The following TEK variants were observed in gnomAD, a reference collection of about 807,000 sequenced individuals.
TEK encodes angiopoietin-1 receptor.
Under a neutral mutation model 131.8 loss-of-function variants are expected in TEK, and 43 were observed. That is an observed-to-expected ratio of 0.33 (90% CI 0.26 to 0.42). The LOEUF (loss-of-function observed/expected upper bound fraction) is 0.42. Among genes scored for constraint, TEK ranks in the 10% least tolerant of loss-of-function variants. TEK has a pLI of 1.00. For synonymous variants in TEK, 580 were observed against 491.6 expected (o/e 1.18, Z -2.38); for missense variants, 1,162 against 1,384.4 (o/e 0.84, Z 2.55).
chr9:27,180,683 A>C (rs541124273), intron 7 of TEK, among the ~76,000 whole-genome samples: 1 of 152,194 alleles, frequency 6.6e-6, no homozygotes, highest in Admixed American at 6.5e-5. Context: ...TTCCCTGGAC[A>C]TGCGTAACAG....
At chr9:27,195,060 T>C (rs913254984) in intron 11 of TEK, among the ~76,000 whole-genome samples, 10 of 152,156 alleles carry the variant, frequency 6.6e-5, no homozygotes, top group Admixed American at 5.9e-4. Flanking sequence ...AACTCCCCAT[T>C]CTCCTTTGTC....
chr9:27,176,038 T>C (rs1824158636), intron 6 of TEK, among the ~76,000 whole-genome samples: 1 of 152,198 alleles, frequency 6.6e-6, no homozygotes. Flanking sequence ...ACCAAGATTT[T>C]ATGAATAGAA....
At chr9:27,191,239 G>A (rs1045059595) in intron 10 of TEK, among the ~76,000 whole-genome samples, 1 of 152,074 alleles carries the variant, frequency 6.6e-6, no homozygotes, top group Non-Finnish European at 1.5e-5. Context: ...GCTCGGGGGA[G>A]GACAAGGACA....
At chr9:27,131,200 G>A (rs935353035) in intron 1 of TEK, among the ~76,000 whole-genome samples, 5 of 152,146 alleles carry the variant, frequency 3.3e-5, no homozygotes, top group African/African-American at 9.7e-5. Context: ...AGTTATGATA[G>A]GCCAGGCATG....
chr9:27,140,675 A>G (rs1393993679), intron 1 of TEK, among the ~76,000 whole-genome samples: 2 of 151,986 alleles, frequency 1.3e-5, no homozygotes, highest in South Asian at 2.1e-4. Flanking sequence ...TTTAAATGTT[A>G]TATTTGATTT....
intron 14 of TEK, 121 bp downstream of exon 14, chr9:27,205,186 C>T: frequency 1.6e-6 from 2 of 1,267,746 alleles, no homozygotes; most frequent in Admixed American, 2.0e-5. Context: ...AGGCAAGCCT[C>T]ATCTTCTCTT....
intron 18 of TEK, among the ~76,000 whole-genome samples, chr9:27,215,560 G>GTT (rs58505932): frequency 6.8e-4 from 97 of 142,036 alleles, no homozygotes; most frequent in African/African-American, 2.2e-3. Flanking sequence ...CTGCATTAGG[G>GTT]TTTTTTTTTT....
At chr9:27,130,116 G>T (rs1822155262) in intron 1 of TEK, among the ~76,000 whole-genome samples, 1 of 152,100 alleles carries the variant, frequency 6.6e-6, no homozygotes, top group African/African-American at 2.4e-5. Context: ...TTCTGAAAAA[G>T]AAAAGTAATG....
At chr9:27,199,008 C>G (rs538991475) in intron 12 of TEK, among the ~76,000 whole-genome samples, 2 of 152,170 alleles carry the variant, frequency 1.3e-5, no homozygotes, top group African/African-American at 4.8e-5. Context: ...CTATGTTGCC[C>G]AGGCTGGTCT....
chr9:27,197,220 TG>T, intron 11 of TEK, 94 bp from the exon 12 acceptor site: 1 of 1,396,654 alleles, frequency 7.2e-7, no homozygotes, highest in Non-Finnish European at 1.0e-6. Context: ...CCTCCAACAC[TG>T]GGGATTACAT....
intron 9 of TEK, among the ~76,000 whole-genome samples, chr9:27,186,823 C>T (rs530731387): frequency 1.3e-5 from 2 of 152,252 alleles, no homozygotes; most frequent in African/African-American, 4.8e-5. Context: ...ATACTCAGAA[C>T]ATAATCTGTT....
rs751083862 is a variant in TEK at position 27,209,250 on chromosome 9, G to C, written c.2686+19G>C. The C allele has an allele frequency of 6.5e-7, 1 of 1,536,032 alleles. No individual in the cohort carries two copies. Among genetic ancestry groups the C allele is most frequent in the South Asian group, 1.1e-5 (1 of 89,522 alleles). ...CATCGAGGTAAGATGCTCTTTTCCT[G>C]TCTTTCCTGCCAGAGTTTTTATAAA... On this transcript the variant is annotated intron_variant, in intron 16 of 22. Transcript: ENST00000380036.
intron 21 of TEK, among the ~76,000 whole-genome samples, chr9:27,220,448 C>T (rs1826016311): frequency 6.6e-6 from 1 of 150,930 alleles, no homozygotes; most frequent in South Asian, 2.1e-4. Context: ...CAACACTATC[C>T]TTGGGGATAA....
At chr9:27,146,781 G>A (rs970711323) in intron 1 of TEK, among the ~76,000 whole-genome samples, 1 of 146,166 alleles carries the variant, frequency 6.8e-6, no homozygotes, top group African/African-American at 2.6e-5. Flanking sequence ...CCAGGCTGGA[G>A]TGCAGTGGCG....
intron 2 of TEK, among the ~76,000 whole-genome samples, chr9:27,165,933 A>G (rs1404651306): frequency 3.3e-5 from 5 of 152,274 alleles, no homozygotes; most frequent in African/African-American, 1.2e-4. Context: ...CCTAAAGCCC[A>G]GGTCCTTCTG....
In TEK at chr9:27,157,865, C is replaced by T; in HGVS notation, c.87C>T (p.Ile29=). ...AAGGTGCCATGGACTTGATCTTGAT[C>T]AATTCCCTACCTCTTGTATCTGATG... ...TVEGAMDLIL[I]NSLPLVSDAE... Residue 29 remains isoleucine, a synonymous_variant, in exon 2 of 23, where the codon ATC becomes ATT. Coordinates refer to ENST00000380036, the MANE Select transcript of TEK (RefSeq NM_000459.5). The T allele has an allele frequency of 6.2e-7, 1 of 1,614,074 alleles. No individual in the cohort carries two copies. Among genetic ancestry groups the T allele is most frequent in the Non-Finnish European group, 8.5e-7 (1 of 1,180,000 alleles).
chr9:27,209,549 G>A (rs763090824), intron 16 of TEK, among the ~76,000 whole-genome samples: 3 of 152,100 alleles, frequency 2.0e-5, no homozygotes, highest in Non-Finnish European at 2.9e-5. Context: ...TATAGTAGGG[G>A]AGCCCCCACC....
At chr9:27,127,064 G>A (rs1471675762) in intron 1 of TEK, among the ~76,000 whole-genome samples, 1 of 152,146 alleles carries the variant, frequency 6.6e-6, no homozygotes. Flanking sequence ...TACCATGGTG[G>A]TTTGCTGCAG....
At chr9:27,166,373 T>G (rs1823730962) in intron 2 of TEK, among the ~76,000 whole-genome samples, 1 of 152,266 alleles carries the variant, frequency 6.6e-6, no homozygotes, top group African/African-American at 2.4e-5. Context: ...TAATTTTCAG[T>G]CTTTTTGATT....
Sources: allele counts gnomAD v4.1 joint callset (sites outside exome capture counted in the v4.1 genomes callset), GRCh38; gene constraint gnomAD v4.1.1; transcripts MANE v1.5; gene names NCBI Gene and HGNC (gene_info 2026-07-23, HGNC 2026-07-21).